PDZRN4: variants seen among roughly 807,000 people sequenced by gnomAD.
PDZRN4 encodes PDZ domain-containing RING finger protein 4.
PDZRN4 carries 70 observed loss-of-function variants against 99.0 expected under a neutral mutation model. That is an observed-to-expected ratio of 0.71 (90% CI 0.58 to 0.86). PDZRN4 has a LOEUF of 0.86. Ranked by LOEUF, PDZRN4 falls within the 40% of genes least tolerant of loss-of-function variation. The probability of loss-of-function intolerance (pLI) is 0.00; values close to 1 mark genes in which losing one functional copy is unlikely to be tolerated. For synonymous variants in PDZRN4, 551 were observed against 501.6 expected, an observed-to-expected ratio of 1.10 and a Z score of -1.32; for missense variants, 1,474 against 1,331.2, an observed-to-expected ratio of 1.11 and a Z score of -1.67.
intron 3 of PDZRN4, among the ~76,000 whole-genome samples, chr12:41,232,255 T>C (rs932342769): frequency 5.9e-5 from 9 of 152,074 alleles, no homozygotes; most frequent in Non-Finnish European, 1.0e-4. Flanking sequence ...ATTTTCATAA[T>C]AAAGCAGGTG....
intron 3 of PDZRN4, among the ~76,000 whole-genome samples, chr12:41,217,591 C>T (rs1950929779): frequency 6.6e-6 from 1 of 152,064 alleles, no homozygotes; most frequent in Non-Finnish European, 1.5e-5. Context: ...ATATTTGAAA[C>T]AGTCAACAAA....
At chr12:41,368,786 G>A (rs2121074755) in intron 3 of PDZRN4, among the ~76,000 whole-genome samples, 1 of 152,196 alleles carries the variant, frequency 6.6e-6, no homozygotes, top group Middle Eastern at 3.4e-3. Flanking sequence ...GTATACATTA[G>A]CTCATCTCCT....
At chr12:41,336,627 C>T (rs1309153302) in intron 3 of PDZRN4, among the ~76,000 whole-genome samples, 4 of 152,080 alleles carry the variant, frequency 2.6e-5, no homozygotes, top group South Asian at 2.1e-4. Flanking sequence ...GAGTAATTCA[C>T]GCAGAGTGGG....
chr12:41,301,207 T>C (rs745656899), intron 3 of PDZRN4, among the ~76,000 whole-genome samples: 4 of 152,004 alleles, frequency 2.6e-5, no homozygotes, highest in African/African-American at 9.7e-5. Flanking sequence ...GCAGAAACGA[T>C]GAGAAAGGAA....
intron 3 of PDZRN4, among the ~76,000 whole-genome samples, chr12:41,289,394 T>C (rs2120903800): frequency 6.6e-6 from 1 of 152,290 alleles, no homozygotes; most frequent in Admixed American, 6.5e-5. Context: ...GAGATGTGAT[T>C]TTCATACAAA....
At chr12:41,319,050 C>A (rs567251432) in intron 3 of PDZRN4, among the ~76,000 whole-genome samples, 1 of 152,226 alleles carries the variant, frequency 6.6e-6, no homozygotes, top group South Asian at 2.1e-4. Flanking sequence ...ACATCTGTAA[C>A]CTAAAACAAA....
intron 3 of PDZRN4, among the ~76,000 whole-genome samples, chr12:41,267,397 G>GGAA (rs1252551835): frequency 6.6e-6 from 1 of 151,718 alleles, no homozygotes; most frequent in Non-Finnish European, 1.5e-5. Context: ...TCCTATATCT[G>GGAA]GAAGAAGAAG....
chr12:41,277,453 G>A (rs925583635), intron 3 of PDZRN4, among the ~76,000 whole-genome samples: 11 of 152,168 alleles, frequency 7.2e-5, no homozygotes, highest in Admixed American at 3.9e-4. Context: ...GAAAGAGTCC[G>A]CTTTCATTCT....
intron 3 of PDZRN4, among the ~76,000 whole-genome samples, chr12:41,425,550 T>C (rs1193622403): frequency 1.3e-5 from 2 of 152,094 alleles, no homozygotes; most frequent in Admixed American, 6.6e-5. Context: ...TCAAATATAA[T>C]TGTGTTTTTC....
At chr12:41,478,937 T>C (rs1474435456) in intron 3 of PDZRN4, among the ~76,000 whole-genome samples, 1 of 152,168 alleles carries the variant, frequency 6.6e-6, no homozygotes, top group Non-Finnish European at 1.5e-5. Flanking sequence ...CAAATCAAAA[T>C]TCTAAGGGAA....
At position 41,325,713 on chromosome 12, in the gene PDZRN4, T is replaced by A. The variant is rs553197347; in HGVS notation, c.843+131525T>A. Among the ~76,000 whole-genome samples the A allele has an allele frequency of 1.1e-4, 17 of 152,278 alleles. 1 individual carries two copies. The South Asian group carries it at 2.3e-3, about 20-fold the overall frequency. On this transcript the variant is annotated intron_variant, in intron 3 of 9. Coordinates refer to ENST00000402685, the MANE Select transcript of PDZRN4 (RefSeq NM_001164595.2). ...TTGATCTGTCTCAGTTAATGTGATT[T>A]TCAAACCTTAGATATGGTGAAATTA...
At chr12:41,321,372 A>G (rs1407471617) in intron 3 of PDZRN4, among the ~76,000 whole-genome samples, 1 of 152,124 alleles carries the variant, frequency 6.6e-6, no homozygotes, top group East Asian at 1.9e-4. Flanking sequence ...TTATTTCTGG[A>G]TCTGTTTTTA....
intron 3 of PDZRN4, among the ~76,000 whole-genome samples, chr12:41,208,416 C>G (rs1031675137): frequency 2.0e-5 from 3 of 151,882 alleles, no homozygotes; most frequent in Non-Finnish European, 4.4e-5. Context: ...GTCTCCATCT[C>G]TTTGCTTCTA....
At chr12:41,292,509 G>C (rs183330747) in intron 3 of PDZRN4, among the ~76,000 whole-genome samples, 149 of 152,188 alleles carry the variant, frequency 9.8e-4, no homozygotes, top group African/African-American at 3.4e-3. Context: ...TTCTTGATTT[G>C]ATCCTTACAT....
At chr12:41,228,227 C>T (rs565828487) in intron 3 of PDZRN4, among the ~76,000 whole-genome samples, 1 of 152,164 alleles carries the variant, frequency 6.6e-6, no homozygotes, top group South Asian at 2.1e-4. Flanking sequence ...TTTCTCCAAT[C>T]ACTTGAACAG....
chr12:41,563,753 C>T lies in PDZRN4; in HGVS notation c.1467+104C>T, dbSNP rs543301978. Reference sequence around the variant, plus strand: ...ATATTCATTATCTGCTATTCTCTATCAAATCATTATCACGGTTATCTCTCC... The same window carrying T: ...ATATTCATTATCTGCTATTCTCTATTAAATCATTATCACGGTTATCTCTCC... On this transcript the variant is annotated intron_variant, in intron 8 of 9. Transcript: ENST00000402685. 116 of 792,874 alleles carry T rather than the reference C, an allele frequency of 1.5e-4. 1 individual carries two copies. The South Asian group carries it at 2.0e-3, about 13-fold the overall frequency. 49.1% of individuals were successfully genotyped at this position (792,874 alleles called of 1,614,324 possible).
chr12:41,261,054 T>G (rs1434985203), intron 3 of PDZRN4, among the ~76,000 whole-genome samples: 2 of 152,156 alleles, frequency 1.3e-5, no homozygotes, highest in Admixed American at 1.3e-4. Flanking sequence ...TGCACTATAT[T>G]TATTATGTTG....
intron 3 of PDZRN4, among the ~76,000 whole-genome samples, chr12:41,358,216 A>G (rs1951940548): frequency 6.6e-6 from 1 of 151,992 alleles, no homozygotes; most frequent in Non-Finnish European, 1.5e-5. Context: ...GCACAGCCTC[A>G]AAATTGTGAC....
rs186903425 is a variant in PDZRN4, at chr12:41,354,704, G to C, written c.844-151752G>C. 2.6e-4 allele frequency among the ~76,000 whole-genome samples: 40 copies of C among 152,072 alleles called. No individual in the cohort carries two copies. In the East Asian group the frequency reaches 7.6e-3, roughly 29 times the overall value. On this transcript the variant is annotated intron_variant, in intron 3 of 9. Transcript: ENST00000402685. ...TAAGAAGCAGAAAATACCAGGCTTA[G>C]ATAAAATTATTCCTTTATTTTACAT...
Sources: gnomAD v4.1 joint callset for allele counts (sites outside exome capture counted in the v4.1 genomes callset) on GRCh38, gnomAD v4.1.1 for gene constraint, MANE v1.5 for transcripts, NCBI Gene and HGNC (gene_info 2026-07-23, HGNC 2026-07-21) for gene names.